The following CCDC7 variants were observed in gnomAD, a reference collection of about 807,000 sequenced individuals.
The protein encoded by CCDC7 is coiled-coil domain containing 7, also known as coiled-coil domain-containing protein 7.
In CCDC7, 183 loss-of-function variants were observed where a neutral mutation model predicts 196.9. The observed-to-expected ratio is 0.93, with a 90% CI of 0.82 to 1.05. CCDC7 has a LOEUF of 1.05. Ranked by LOEUF, CCDC7 falls within the 50% of genes least tolerant of loss-of-function variation. The pLI is 0.00. For synonymous variants in CCDC7, 525 were observed against 484.6 expected, an observed-to-expected ratio of 1.08 and a Z score of -1.10; for missense variants, 1,540 against 1,482.2, an observed-to-expected ratio of 1.04 and a Z score of -0.64.
At position 32,702,185 on chromosome 10, in the gene CCDC7, C is replaced by T. The variant is rs547060087; in HGVS notation, c.2458+7193C>T. 4.6e-5 allele frequency among the ~76,000 whole-genome samples: 7 copies of T among 152,152 alleles called. No individual in the cohort carries two copies. The South Asian group carries it at 1.0e-3, about 23-fold the overall frequency. ...GCTATAAATTTCCCTCTACACACTG[C>T]TTTGAATGTGTCCCAGAGATTCTGG... is the stretch of plus-strand genomic sequence containing the variant. On this transcript the variant is annotated intron_variant, in intron 24 of 41. Coordinates refer to ENST00000639629, the Ensembl canonical transcript of CCDC7.
chr10:32,863,538 A>T (rs1219849715), intron 41 of CCDC7, among the ~76,000 whole-genome samples: 2 of 151,908 alleles, frequency 1.3e-5, no homozygotes, highest in Non-Finnish European at 2.9e-5. Context: ...TTTTTTGTAG[A>T]GACAGGATCT....
At chr10:32,461,718 T>G (rs1206948469) in intron 3 of CCDC7, among the ~76,000 whole-genome samples, 2 of 33,362 alleles carry the variant, frequency 6.0e-5, no homozygotes, top group Non-Finnish European at 1.6e-4. Flanking sequence ...TGTATATATA[T>G]ATATATATAT....
intron 28 of CCDC7, among the ~76,000 whole-genome samples, chr10:32,759,067 C>T (rs1343498296): frequency 6.6e-6 from 1 of 152,128 alleles, no homozygotes; most frequent in Non-Finnish European, 1.5e-5. Context: ...AGGAGAACTA[C>T]AAACCACTGC....
intron 3 of CCDC7, among the ~76,000 whole-genome samples, chr10:32,458,614 G>T (rs1018445253): frequency 4.6e-5 from 7 of 151,890 alleles, no homozygotes; most frequent in African/African-American, 1.2e-4. Context: ...TTCCCAAGCT[G>T]CTGGGATTAC....
At chr10:32,453,061 C>A (rs2033495483) in intron 1 of CCDC7, among the ~76,000 whole-genome samples, 1 of 152,142 alleles carries the variant, frequency 6.6e-6, no homozygotes, top group Non-Finnish European at 1.5e-5. Context: ...GCTTCAACCA[C>A]TCATGGACAG....
At chr10:32,545,582 G>A (rs113703553) in intron 13 of CCDC7, among the ~76,000 whole-genome samples, 24 of 152,092 alleles carry the variant, frequency 1.6e-4, no homozygotes, top group African/African-American at 5.8e-4. Context: ...AATTCCTAAA[G>A]ATCCAAAGGG....
At chr10:32,451,684 G>A (rs1008424258) in exon 1 of CCDC7, 9 of 1,610,528 alleles carry the variant, frequency 5.6e-6, no homozygotes, top group South Asian at 5.5e-5. Context: ...GTAACAAATC[G>A]GCAAATGTTC....
chr10:32,471,158 G>C, exon 6 of CCDC7: 2 of 1,612,838 alleles, frequency 1.2e-6, no homozygotes, highest in South Asian at 2.2e-5. Context: ...CTTGTACAAA[G>C]ATTTGAAGAA....
chr10:32,590,759 C>A (rs1250651576), intron 18 of CCDC7, among the ~76,000 whole-genome samples: 1 of 152,080 alleles, frequency 6.6e-6, no homozygotes, highest in African/African-American at 2.4e-5. Context: ...ATATAATATT[C>A]TAGGGTAAAA....
intron 28 of CCDC7, among the ~76,000 whole-genome samples, chr10:32,749,548 T>G (rs1367915475): frequency 6.6e-6 from 1 of 152,224 alleles, no homozygotes; most frequent in Non-Finnish European, 1.5e-5. Flanking sequence ...ATTTTTATGC[T>G]TTAAGTATGT....
intron 9 of CCDC7, among the ~76,000 whole-genome samples, chr10:32,501,899 C>G (rs2044111090): frequency 6.6e-6 from 1 of 152,224 alleles, no homozygotes; most frequent in Non-Finnish European, 1.5e-5. Flanking sequence ...CTCTTCGGAG[C>G]TGTCAGGCAG....
chr10:32,678,458 C>T (rs1309003392), intron 21 of CCDC7, among the ~76,000 whole-genome samples: 1 of 152,108 alleles, frequency 6.6e-6, no homozygotes, highest in African/African-American at 2.4e-5. Flanking sequence ...CTGTCAGGGT[C>T]CACAGGAGTG....
At chr10:32,451,225 G>A (rs1205353556), upstream of CCDC7, among the ~76,000 whole-genome samples, 2 of 152,068 alleles carry the variant, frequency 1.3e-5, no homozygotes, top group Non-Finnish European at 2.9e-5. Context: ...ACACTTACTA[G>A]CTGTGTGACT....
intron 21 of CCDC7, among the ~76,000 whole-genome samples, chr10:32,677,334 G>A (rs1157024084): frequency 6.6e-6 from 1 of 151,380 alleles, no homozygotes; most frequent in Non-Finnish European, 1.5e-5. Context: ...CCTGCACATT[G>A]TGCACATGTA....
intron 13 of CCDC7, among the ~76,000 whole-genome samples, chr10:32,555,127 G>A (rs962238316): frequency 6.6e-6 from 1 of 151,998 alleles, no homozygotes; most frequent in Non-Finnish European, 1.5e-5. Flanking sequence ...CTAAATCTTA[G>A]TTATTTTTGA....
chr10:32,778,595 G>C (rs1181197076), intron 28 of CCDC7, among the ~76,000 whole-genome samples: 1 of 152,176 alleles, frequency 6.6e-6, no homozygotes, highest in Admixed American at 6.5e-5. Context: ...CTGTAATATA[G>C]TTTCAAGTCA....
intron 16 of CCDC7, among the ~76,000 whole-genome samples, chr10:32,582,618 A>C (rs1205241100): frequency 6.6e-6 from 1 of 152,146 alleles, no homozygotes; most frequent in Non-Finnish European, 1.5e-5. Context: ...TTGGTGAAAG[A>C]TGGTGATCTT....
chr10:32,694,760 T>G lies in CCDC7; in HGVS notation c.2345-119T>G, dbSNP rs532408511. 23 of 538,412 alleles carry G rather than the reference T, an allele frequency of 4.3e-5. No individual in the cohort carries two copies. The South Asian group carries it at 8.0e-4, about 19-fold the overall frequency. The allele number at this position is 538,412 out of a possible 1,614,324, so 33.4% of individuals were successfully genotyped here. A position where few individuals can be genotyped will look rare whatever the true frequency, so the allele number is the denominator to read the frequency against. On this transcript the variant is annotated intron_variant, in intron 23 of 41. Transcript: ENST00000639629. The stretch of plus-strand genomic sequence containing the variant: ...CATGTCACATCTGGATTTCTGATAA[T>G]TTACTTACAAATTTATCAAAATGAG...
rs558963524 is a variant in CCDC7 at position 32,650,726 on chromosome 10, G to T, written c.2015-13328G>T. Among the ~76,000 whole-genome samples, 24 of 152,194 alleles carry T rather than the reference G, an allele frequency of 1.6e-4. 1 individual carries two copies. In the South Asian group the frequency reaches 5.0e-3, roughly 31 times the overall value. On this transcript the variant is annotated intron_variant, in intron 20 of 41. Coordinates refer to ENST00000639629, the Ensembl canonical transcript of CCDC7. Reference sequence around the variant, plus strand: ...TCAGCTCAACCCTCCTGAGCCACAGGCTACAGCCTGAGGGCTCTAGGGTCT... The same window carrying T: ...TCAGCTCAACCCTCCTGAGCCACAGTCTACAGCCTGAGGGCTCTAGGGTCT...
Sources: allele counts gnomAD v4.1 joint callset (sites outside exome capture counted in the v4.1 genomes callset), GRCh38; gene constraint gnomAD v4.1.1; transcripts MANE v1.5; gene names NCBI Gene and HGNC (gene_info 2026-07-23, HGNC 2026-07-21).